The following EDIL3 variants were observed in gnomAD, a reference collection of about 807,000 sequenced individuals.
The protein encoded by EDIL3 is EGF like and discoidin domains 3, also known as EGF-like repeat and discoidin I-like domain-containing protein 3.
A neutral mutation model predicts 67.4 loss-of-function variants in EDIL3; 37 were observed. The ratio of observed to expected loss-of-function variants is 0.55; its 90% confidence interval spans 0.42 to 0.72. The LOEUF is 0.72. EDIL3 is among the 30% of genes least tolerant of loss of function. The pLI is 0.00. For synonymous variants in EDIL3, 195 were observed against 196.3 expected, an observed-to-expected ratio of 0.99 and a Z score of 0.05; for missense variants, 527 against 586.3, an observed-to-expected ratio of 0.90 and a Z score of 1.04.
chr5:84,227,892 T>G (rs1006351459), intron 3 of EDIL3, among the ~76,000 whole-genome samples: 1 of 151,982 alleles, frequency 6.6e-6, no homozygotes, highest in African/African-American at 2.4e-5. Flanking sequence ...GATGTAAACC[T>G]GGGAACAATA....
intron 9 of EDIL3, among the ~76,000 whole-genome samples, chr5:83,980,738 G>GA (rs1744956795): frequency 6.8e-6 from 1 of 147,240 alleles, no homozygotes; most frequent in African/African-American, 2.5e-5. Context: ...TAATAAAAAA[G>GA]AAAATCCCAA....
intron 3 of EDIL3, among the ~76,000 whole-genome samples, chr5:84,183,082 AAATT>A (rs1749043504): frequency 6.6e-6 from 1 of 152,172 alleles, no homozygotes; most frequent in Admixed American, 6.6e-5. Flanking sequence ...CCCTCCTCAC[AAATT>A]AATTAACATT....
At chr5:84,128,984 T>C (rs1016188947) in intron 5 of EDIL3, among the ~76,000 whole-genome samples, 2 of 152,174 alleles carry the variant, frequency 1.3e-5, no homozygotes, top group Admixed American at 6.6e-5. Context: ...ACTCCATTTG[T>C]TGGAAGTATT....
chr5:84,194,207 C>T (rs1435626518), intron 3 of EDIL3, among the ~76,000 whole-genome samples: 1 of 151,776 alleles, frequency 6.6e-6, no homozygotes, highest in Non-Finnish European at 1.5e-5. Flanking sequence ...TCATATTTAC[C>T]TAGCATCTTT....
intron 3 of EDIL3, among the ~76,000 whole-genome samples, chr5:84,220,116 G>A (rs1295988149): frequency 1.3e-5 from 2 of 152,082 alleles, no homozygotes; most frequent in Non-Finnish European, 2.9e-5. Flanking sequence ...AGTATAATTG[G>A]ATCATTTCTA....
chr5:84,222,962 G>C (rs1437567303), intron 3 of EDIL3, among the ~76,000 whole-genome samples: 1 of 151,572 alleles, frequency 6.6e-6, no homozygotes, highest in Non-Finnish European at 1.5e-5. Context: ...TTCCTTTGTT[G>C]TGCAGAAGCT....
intron 8 of EDIL3, among the ~76,000 whole-genome samples, chr5:84,064,266 C>T (rs928531304): frequency 1.3e-5 from 2 of 151,996 alleles, no homozygotes; most frequent in African/African-American, 4.8e-5. Context: ...AGATAAAGTT[C>T]TTATGATAGA....
At chr5:84,171,123 A>G (rs1034261663) in intron 4 of EDIL3, among the ~76,000 whole-genome samples, 1 of 152,128 alleles carries the variant, frequency 6.6e-6, no homozygotes, top group Non-Finnish European at 1.5e-5. Flanking sequence ...CAGGCCTATT[A>G]ATATAAATAT....
intron 5 of EDIL3, among the ~76,000 whole-genome samples, chr5:84,110,577 G>C (rs1053838479): frequency 3.3e-5 from 5 of 152,272 alleles, no homozygotes; most frequent in Non-Finnish European, 7.4e-5. Flanking sequence ...TTTGAAAAGT[G>C]TACCCACATG....
At chr5:84,171,472 G>C (rs562087740) in intron 4 of EDIL3, among the ~76,000 whole-genome samples, 27 of 152,150 alleles carry the variant, frequency 1.8e-4, no homozygotes, top group Admixed American at 1.3e-4. Context: ...TAGGTTATGG[G>C]CTAAAAGTTG....
chr5:84,044,269 TAAAC>T (rs1746182429), intron 9 of EDIL3, among the ~76,000 whole-genome samples: 1 of 152,294 alleles, frequency 6.6e-6, no homozygotes, highest in South Asian at 2.1e-4. Flanking sequence ...TAAAAAGAGT[TAAAC>T]AACTCCCTTT....
intron 1 of EDIL3, among the ~76,000 whole-genome samples, chr5:84,285,301 G>A (rs1388687363): frequency 6.6e-6 from 1 of 152,194 alleles, no homozygotes; most frequent in East Asian, 1.9e-4. Flanking sequence ...AAATAGGTGT[G>A]TATGCAAATC....
rs548511828 is a variant in EDIL3, at chr5:84,313,289, C to T, written c.68-59077G>A. On this transcript the variant is annotated intron_variant, in intron 1 of 10. Coordinates refer to ENST00000296591, the MANE Select transcript of EDIL3 (RefSeq NM_005711.5). Reference sequence around the variant, plus strand: ...GGGAAAAATAACCTAAGTCATCTTGCTATTATAGTTGCAGAAAATTTCATA... The same window carrying T: ...GGGAAAAATAACCTAAGTCATCTTGTTATTATAGTTGCAGAAAATTTCATA... Among the ~76,000 whole-genome samples the T allele has an allele frequency of 3.9e-5, 6 of 152,250 alleles. No homozygotes were observed. In the East Asian group the frequency reaches 1.2e-3, roughly 29 times the overall value.
chr5:84,170,062 TTAA>T (rs1405419029), intron 4 of EDIL3, among the ~76,000 whole-genome samples: 6 of 152,150 alleles, frequency 3.9e-5, no homozygotes, highest in Non-Finnish European at 7.3e-5. Flanking sequence ...GAGTAGGGAG[TTAA>T]TAATATATTT....
chr5:83,998,233 C>T (rs1351820838), intron 9 of EDIL3, among the ~76,000 whole-genome samples: 3 of 152,168 alleles, frequency 2.0e-5, no homozygotes, highest in Non-Finnish European at 4.4e-5. Flanking sequence ...GTAAAGAGGA[C>T]TTGGTCTTGC....
At chr5:84,345,721 T>C (rs1747223669) in intron 1 of EDIL3, among the ~76,000 whole-genome samples, 1 of 152,330 alleles carries the variant, frequency 6.6e-6, no homozygotes, top group Non-Finnish European at 1.5e-5. Flanking sequence ...TGCATCAAGA[T>C]AATTTGTTTT....
At chr5:83,945,426 A>G (rs1744293202) in intron 10 of EDIL3, among the ~76,000 whole-genome samples, 1 of 151,986 alleles carries the variant, frequency 6.6e-6, no homozygotes, top group Non-Finnish European at 1.5e-5. Flanking sequence ...CTAAAATCCA[A>G]TTTTGTAGCC....
chr5:84,322,824 C>A (rs1420896658), intron 1 of EDIL3, among the ~76,000 whole-genome samples: 1 of 151,950 alleles, frequency 6.6e-6, no homozygotes, highest in East Asian at 1.9e-4. Flanking sequence ...CAGCAAAAAG[C>A]ATTTCATCAC....
At chr5:84,252,351 G>A (rs1014565293) in intron 2 of EDIL3, among the ~76,000 whole-genome samples, 6 of 151,630 alleles carry the variant, frequency 4.0e-5, no homozygotes, top group East Asian at 2.0e-4. Context: ...GAAATTAGCC[G>A]GGCGTGGCGG....
Sources: allele counts gnomAD v4.1 joint callset (sites outside exome capture counted in the v4.1 genomes callset), GRCh38; gene constraint gnomAD v4.1.1; transcripts MANE v1.5; gene names NCBI Gene and HGNC (gene_info 2026-07-23, HGNC 2026-07-21).